OPCML: variants seen among roughly 807,000 people sequenced by gnomAD.
The protein encoded by OPCML is opioid binding protein/cell adhesion molecule like.
Under a neutral mutation model 37.8 loss-of-function variants are expected in OPCML, and 13 were observed. The ratio of observed to expected loss-of-function variants is 0.34; its 90% CI spans 0.22 to 0.55. OPCML has a LOEUF of 0.55. OPCML is among the 20% of genes least tolerant of loss of function. The pLI is 0.91. For missense variants in OPCML, 341 were observed against 435.6 expected (o/e 0.78, Z 1.93); for synonymous variants, 176 against 168.8 (o/e 1.04, Z -0.33).
intron 4 of OPCML, among the ~76,000 whole-genome samples, chr11:132,472,604 A>G (rs923425211): frequency 6.6e-6 from 1 of 152,248 alleles, no homozygotes; most frequent in African/African-American, 2.4e-5. Context: ...AGAATATACA[A>G]GTTCTCCATG....
intron 1 of OPCML, among the ~76,000 whole-genome samples, chr11:133,064,526 G>T (rs987426811): frequency 6.6e-6 from 1 of 152,216 alleles, no homozygotes; most frequent in African/African-American, 2.4e-5. Flanking sequence ...GTCCTCAGGG[G>T]CCGCTGCAGG....
chr11:132,815,208 A>G (rs1939562499), intron 2 of OPCML, among the ~76,000 whole-genome samples: 2 of 152,140 alleles, frequency 1.3e-5, no homozygotes, highest in African/African-American at 2.4e-5. Context: ...TAAAACGTCT[A>G]TCGGATTATG....
intron 4 of OPCML, among the ~76,000 whole-genome samples, chr11:132,486,515 C>T (rs569397758): frequency 1.3e-5 from 2 of 151,774 alleles, no homozygotes; most frequent in Non-Finnish European, 1.5e-5. Flanking sequence ...GAATATTTTC[C>T]TCTCTCGGTG....
intron 4 of OPCML, among the ~76,000 whole-genome samples, chr11:132,490,141 G>A (rs2137063896): frequency 6.6e-6 from 1 of 151,960 alleles, no homozygotes; most frequent in East Asian, 2.0e-4. Context: ...AACATTGTCT[G>A]TGGCCCATTA....
chr11:133,432,773 A>C (rs1946151514), intron 1 of OPCML, among the ~76,000 whole-genome samples: 1 of 152,170 alleles, frequency 6.6e-6, no homozygotes, highest in African/African-American at 2.4e-5. Context: ...ATACTGGGAA[A>C]CCAGAGTGAA....
At chr11:132,782,127 C>T (rs1947053258) in intron 2 of OPCML, among the ~76,000 whole-genome samples, 1 of 151,578 alleles carries the variant, frequency 6.6e-6, no homozygotes, top group South Asian at 2.1e-4. Flanking sequence ...CAGAACAGAA[C>T]CTGGGGTTGC....
At chr11:133,326,291 GTGTGTGGGGGTGTGGGTA>G (rs201550293) in intron 1 of OPCML, among the ~76,000 whole-genome samples, 26,639 of 108,260 alleles carry the variant, frequency 0.25, 4,630 homozygotes, top group East Asian at 0.6. Flanking sequence ...GGGTGTGGGT[GTGTGTGGGGGTGTGGGTA>G]TGTATAAGTG....
intron 1 of OPCML, among the ~76,000 whole-genome samples, chr11:133,352,011 G>T (rs1944150600): frequency 6.6e-6 from 1 of 152,102 alleles, no homozygotes; most frequent in African/African-American, 2.4e-5. Context: ...CACAGGTTTT[G>T]CAACTGTTTC....
chr11:133,429,945 C>T (rs1458840109), intron 1 of OPCML, among the ~76,000 whole-genome samples: 1 of 152,088 alleles, frequency 6.6e-6, no homozygotes, highest in Admixed American at 6.5e-5. Flanking sequence ...CAGATTTTAT[C>T]AGGAGCAGTG....
chr11:133,361,886 A>G (rs1944430620), intron 1 of OPCML: 1 of 152,318 alleles, frequency 6.6e-6, no homozygotes. Flanking sequence ...CCAGGGACGC[A>G]TGGAGCTCTG....
intron 4 of OPCML, among the ~76,000 whole-genome samples, chr11:132,464,018 T>C (rs1203979756): frequency 6.6e-6 from 1 of 152,216 alleles, no homozygotes; most frequent in Admixed American, 6.5e-5. Context: ...AACTACTAAA[T>C]AGTTTCTGTA....
At chr11:133,522,153 T>C (rs1402220091) in intron 1 of OPCML, among the ~76,000 whole-genome samples, 1 of 152,222 alleles carries the variant, frequency 6.6e-6, no homozygotes, top group African/African-American at 2.4e-5. Flanking sequence ...GTATGTGATT[T>C]GTACACTCTA....
At chr11:132,482,594 A>G (rs1426430546) in intron 4 of OPCML, among the ~76,000 whole-genome samples, 2 of 152,240 alleles carry the variant, frequency 1.3e-5, no homozygotes, top group African/African-American at 4.8e-5. Context: ...TTCTGATACC[A>G]AAGCTGGGCA....
intron 1 of OPCML, among the ~76,000 whole-genome samples, chr11:133,313,578 AGGCT>A (rs1404924391): frequency 6.6e-6 from 1 of 152,192 alleles, no homozygotes; most frequent in African/African-American, 2.4e-5. Context: ...GAACATTTCC[AGGCT>A]GTGGTCAAGA....
At chr11:133,237,840 G>A (rs902100360) in intron 1 of OPCML, among the ~76,000 whole-genome samples, 7 of 152,178 alleles carry the variant, frequency 4.6e-5, no homozygotes, top group Non-Finnish European at 1.0e-4. Flanking sequence ...TGCAGAGTTG[G>A]AACTAGGATG....
At chr11:133,192,051 C>T (rs1938345347) in intron 1 of OPCML, among the ~76,000 whole-genome samples, 1 of 152,136 alleles carries the variant, frequency 6.6e-6, no homozygotes, top group Non-Finnish European at 1.5e-5. Flanking sequence ...AAAAAAAGAA[C>T]AATGAGACTT....
At chr11:132,823,645 A>G (rs1347031083) in intron 2 of OPCML, among the ~76,000 whole-genome samples, 1 of 152,002 alleles carries the variant, frequency 6.6e-6, no homozygotes, top group Middle Eastern at 3.2e-3. Flanking sequence ...TGCTTTCTCC[A>G]TTTATCGTCT....
At chr11:133,336,014 C>T (rs1020879601) in intron 1 of OPCML, among the ~76,000 whole-genome samples, 13 of 152,138 alleles carry the variant, frequency 8.5e-5, no homozygotes, top group African/African-American at 2.9e-4. Flanking sequence ...ACCAATAAAG[C>T]ATGCCAGGAT....
intron 2 of OPCML, among the ~76,000 whole-genome samples, chr11:132,674,405 T>C (rs773253623): frequency 6.6e-6 from 1 of 152,156 alleles, no homozygotes; most frequent in Non-Finnish European, 1.5e-5. Context: ...GGCCTCACCA[T>C]TGAAGGCTGA....
Sources: allele counts gnomAD v4.1 joint callset (sites outside exome capture counted in the v4.1 genomes callset), GRCh38; gene constraint gnomAD v4.1.1; transcripts MANE v1.5; gene names NCBI Gene and HGNC (gene_info 2026-07-23, HGNC 2026-07-21).